Variants in MGAT5 observed in about 807,000 individuals in gnomAD.
MGAT5 encodes the protein alpha-1,6-mannosylglycoprotein 6-beta-N-acetylglucosaminyltransferase A.
In MGAT5, 30 loss-of-function variants were observed where a neutral mutation model predicts 94.3. That is an observed-to-expected ratio of 0.32 (90% confidence interval 0.24 to 0.43). The LOEUF is 0.43. Among genes scored for constraint, MGAT5 ranks in the 20% least tolerant of loss-of-function variants. The pLI is 1.00. For synonymous variants in MGAT5, 310 were observed against 322.9 expected, an observed-to-expected ratio of 0.96 and a Z score of 0.43; for missense variants, 691 against 905.5, an observed-to-expected ratio of 0.76 and a Z score of 3.04.
At chr2:134,176,104 A>G (rs1303165096) in intron 1 of MGAT5, among the ~76,000 whole-genome samples, 1 of 152,136 alleles carries the variant, frequency 6.6e-6, no homozygotes, top group African/African-American at 2.4e-5. Context: ...GAAGGTTAAG[A>G]CTACTGTTTA....
In MGAT5 at chr2:134,436,743, A is replaced by T. The variant is rs545564573; in HGVS notation, c.1870-5015A>T. Among the ~76,000 whole-genome samples the T allele has an allele frequency of 5.3e-5, 8 of 152,294 alleles. No homozygotes were observed. In the East Asian group the frequency reaches 1.5e-3, roughly 30 times the overall value. On this transcript the variant is annotated intron_variant, in intron 14 of 15. Coordinates refer to ENST00000281923, the MANE Select transcript of MGAT5 (RefSeq NM_002410.5). ...TCTTCCAAGAAGGGCTAACAGGTGGAAAAGGAGCATTTATGGAGCACCTGC... is the reference window on the plus strand; with the variant it reads ...TCTTCCAAGAAGGGCTAACAGGTGGTAAAGGAGCATTTATGGAGCACCTGC...
chr2:134,192,575 A>T (rs1473290650), intron 1 of MGAT5, among the ~76,000 whole-genome samples: 1 of 152,240 alleles, frequency 6.6e-6, no homozygotes, highest in Non-Finnish European at 1.5e-5. Flanking sequence ...GTATTATTGT[A>T]TCAGATAATT....
At position 134,344,919 on chromosome 2, in the gene MGAT5, C is replaced by T. The variant is rs751390917; in HGVS notation, c.978-11C>T. ...CTCTTTTTTCTCCCCTCTCTTTTGC[C>T]GTTTCTCTAGAATCATGAAGAAGGT... On this transcript the variant is annotated splice_polypyrimidine_tract_variant and intron_variant, in intron 7 of 15. Coordinates refer to ENST00000281923, the MANE Select transcript of MGAT5 (RefSeq NM_002410.5). 1.7e-5 allele frequency: 27 copies of T among 1,609,274 alleles called. No homozygotes were observed. The highest frequency in any genetic ancestry group is 1.1e-4 in the South Asian group (10 of 90,218).
At chr2:134,437,133 C>T (rs887166296) in intron 14 of MGAT5, among the ~76,000 whole-genome samples, 8 of 152,136 alleles carry the variant, frequency 5.3e-5, no homozygotes, top group East Asian at 3.9e-4. Flanking sequence ...GGATTACAGG[C>T]GCGCGCCACC....
chr2:134,445,492 CTCCTGTCCAGCGCA>C (rs1390062454), intron 15 of MGAT5, among the ~76,000 whole-genome samples: 5 of 152,148 alleles, frequency 3.3e-5, no homozygotes, highest in Non-Finnish European at 7.4e-5. Flanking sequence ...CAGCACTCGC[CTCCTGTCCAGCGCA>C]TCCTGTCCTG....
intron 2 of MGAT5, among the ~76,000 whole-genome samples, chr2:134,300,458 A>G (rs1348685167): frequency 6.8e-6 from 1 of 147,054 alleles, no homozygotes; most frequent in Non-Finnish European, 1.5e-5. Flanking sequence ...TTAATGGAGT[A>G]AAGGCTGTTT....
At chr2:134,290,597 A>T (rs936553403) in intron 2 of MGAT5, among the ~76,000 whole-genome samples, 4 of 152,210 alleles carry the variant, frequency 2.6e-5, no homozygotes, top group African/African-American at 9.7e-5. Context: ...TGTGTTGGAC[A>T]TGCATCCTCC....
chr2:134,194,245 TGGG>T (rs1679385312), intron 1 of MGAT5, among the ~76,000 whole-genome samples: 1 of 152,148 alleles, frequency 6.6e-6, no homozygotes, highest in African/African-American at 2.4e-5. Flanking sequence ...TGTGCCAACT[TGGG>T]GGCACAGAGT....
chr2:134,381,003 GC>G (rs1274589660), intron 10 of MGAT5, among the ~76,000 whole-genome samples: 2 of 151,828 alleles, frequency 1.3e-5, no homozygotes, highest in African/African-American at 4.8e-5. Flanking sequence ...GACAGAAGTT[GC>G]CCCCCTTTCT....
chr2:134,154,850 G>T (rs1050420684), intron 1 of MGAT5, among the ~76,000 whole-genome samples: 1 of 152,198 alleles, frequency 6.6e-6, no homozygotes, highest in African/African-American at 2.4e-5. Context: ...GCATCTTTTT[G>T]TATCTGAGTT....
At chr2:134,304,095 A>G (rs1349665071) in intron 2 of MGAT5, among the ~76,000 whole-genome samples, 1 of 152,146 alleles carries the variant, frequency 6.6e-6, no homozygotes, top group Non-Finnish European at 1.5e-5. Context: ...AAAGAATCCT[A>G]GGTTAACTGT....
At chr2:134,162,764 A>G (rs1397768648) in intron 1 of MGAT5, among the ~76,000 whole-genome samples, 1 of 152,240 alleles carries the variant, frequency 6.6e-6, no homozygotes, top group Non-Finnish European at 1.5e-5. Flanking sequence ...TGCACCAGAC[A>G]TGATGCTAAG....
intron 1 of MGAT5, among the ~76,000 whole-genome samples, chr2:134,161,776 A>AT (rs1004672333): frequency 6.6e-6 from 1 of 151,462 alleles, no homozygotes; most frequent in Non-Finnish European, 1.5e-5. Flanking sequence ...TCATAGATTT[A>AT]TTTTTTTTTA....
At chr2:134,165,338 T>C (rs555283702) in intron 1 of MGAT5, among the ~76,000 whole-genome samples, 3 of 152,166 alleles carry the variant, frequency 2.0e-5, no homozygotes, top group Non-Finnish European at 1.5e-5. Flanking sequence ...TAATGCACAT[T>C]AGAAAATTTA....
chr2:134,380,493 C>G (rs886467858), intron 10 of MGAT5, among the ~76,000 whole-genome samples: 2 of 152,150 alleles, frequency 1.3e-5, no homozygotes, highest in Non-Finnish European at 2.9e-5. Flanking sequence ...GGATTATAGG[C>G]AGACCCTCTC....
chr2:134,152,632 ACTAT>A (rs1275207639), intron 1 of MGAT5, among the ~76,000 whole-genome samples: 1 of 152,252 alleles, frequency 6.6e-6, no homozygotes, highest in Non-Finnish European at 1.5e-5. Flanking sequence ...AAAATAATGA[ACTAT>A]CTGTTGAAAA....
At chr2:134,189,602 G>GTTTTTGTTTTTTTTTTTTTTTT (rs1689239434) in intron 1 of MGAT5, among the ~76,000 whole-genome samples, 1 of 84,672 alleles carries the variant, frequency 1.2e-5, no homozygotes. Context: ...GTTTTTTTTT[G>GTTTTTGTTTTTTTTTTTTTTTT]TTTTTTTTTT....
At chr2:134,162,302 G>C (rs1687774493) in intron 1 of MGAT5, among the ~76,000 whole-genome samples, 1 of 152,112 alleles carries the variant, frequency 6.6e-6, no homozygotes, top group African/African-American at 2.4e-5. Context: ...CTGAAGACTG[G>C]CGGGTTGTCA....
At chr2:134,189,854 C>T (rs1265467447) in intron 1 of MGAT5, among the ~76,000 whole-genome samples, 1 of 152,016 alleles carries the variant, frequency 6.6e-6, no homozygotes, top group Non-Finnish European at 1.5e-5. Flanking sequence ...CCCACCTCGG[C>T]CTCCCAAAGT....
Sources: gnomAD v4.1 joint callset for allele counts (sites outside exome capture counted in the v4.1 genomes callset) on GRCh38, gnomAD v4.1.1 for gene constraint, MANE v1.5 for transcripts, NCBI Gene and HGNC (gene_info 2026-07-23, HGNC 2026-07-21) for gene names.